Variants in APBA1 observed in about 807,000 individuals in gnomAD.
The protein encoded by APBA1 is amyloid-beta A4 precursor protein-binding family A member 1.
Under a neutral mutation model 86.6 loss-of-function variants are expected in APBA1, and 55 were observed. The ratio of observed to expected loss-of-function variants is 0.64; its 90% confidence interval spans 0.51 to 0.80. The LOEUF (loss-of-function observed/expected upper bound fraction) is 0.80, where lower values mean the gene tolerates loss of function less well. Ranked by LOEUF, APBA1 falls within the 30% of genes least tolerant of loss-of-function variation. APBA1 has a pLI of 0.00. For synonymous variants in APBA1, 511 were observed against 493.9 expected, an observed-to-expected ratio of 1.03 and a Z score of -0.46; for missense variants, 1,090 against 1,183.0, an observed-to-expected ratio of 0.92 and a Z score of 1.15.
In APBA1 at chr9:69,618,462, C is replaced by T. The variant is rs145121149; in HGVS notation, c.-70+53691G>A. Among the ~76,000 whole-genome samples the T allele has an allele frequency of 2.6e-3, 397 of 152,258 alleles. 3 individuals are homozygous for T. The highest frequency in any genetic ancestry group is 9.1e-3 in the African/African-American group (379 of 41,526). ...TCAAAGCTCACAATATGGAAGGATGCTAATGAAGGCAAGTACTTGAATAAT... is the reference window on the plus strand; with the variant it reads ...TCAAAGCTCACAATATGGAAGGATGTTAATGAAGGCAAGTACTTGAATAAT... On this transcript the variant is annotated intron_variant, in intron 1 of 12. Transcript: ENST00000265381.
At chr9:69,572,123 T>C (rs1178305281) in intron 1 of APBA1, among the ~76,000 whole-genome samples, 1 of 152,236 alleles carries the variant, frequency 6.6e-6, no homozygotes, top group Non-Finnish European at 1.5e-5. Flanking sequence ...ATGTATAGGA[T>C]GTGCAGGTTT....
At chr9:69,434,413 T>TAAAAC (rs1248149781) in intron 11 of APBA1, among the ~76,000 whole-genome samples, 2 of 146,196 alleles carry the variant, frequency 1.4e-5, no homozygotes, top group African/African-American at 5.4e-5. Flanking sequence ...CAAACTGGCT[T>TAAAAC]AAAACAAAAA....
chr9:69,659,358 T>C (rs1328178517), intron 1 of APBA1, among the ~76,000 whole-genome samples: 1 of 152,218 alleles, frequency 6.6e-6, no homozygotes, highest in Non-Finnish European at 1.5e-5. Context: ...AGATTCACTG[T>C]ACAGATATCA....
chr9:69,431,229 G>A lies in APBA1; in HGVS notation c.*98C>T, dbSNP rs147102833. ...TCCTGTGTAAAACCAAATGCTGGGC[G>A]CGAGAGGGGAAAGTCTCAGTGGACA... On this transcript the variant is annotated 3_prime_UTR_variant, in exon 13 of 13. Transcript: ENST00000265381. 1,223 of 877,854 alleles carry A rather than the reference G, an allele frequency of 1.4e-3. 11 individuals carry two copies. In the East Asian group the frequency reaches 0.029, roughly 21 times the overall value. 54.4% of individuals were successfully genotyped at this position (877,854 alleles called of 1,614,324 possible).
Position 69,449,715 on chromosome 9 carries a change from T to C in APBA1, c.2050A>G (p.Ile684Val). 6.2e-7 allele frequency: 1 copy of C among 1,614,120 alleles called. No individual in the cohort carries two copies. The highest frequency in any genetic ancestry group is 8.5e-7 in the Non-Finnish European group (1 of 1,180,026). The change falls in exon 10 of 13, where the codon ATC becomes GTC. Residue 684 changes from isoleucine (I) to valine (V), a missense_variant. This residue lies in a region of APBA1 where 97 missense variants were observed against 166.8 expected (regional missense o/e 0.58). Transcript: ENST00000265381. ...CCACCATGCATCATGTTGGCAATGA[T>C]CACGGTGGGGAGGATGGATCCCCAG... is the stretch of plus-strand genomic sequence containing the variant. ...SGWGSILPTV[I>V]IANMMHGGPA...
At chr9:69,525,636 G>A (rs191574622) in intron 1 of APBA1, among the ~76,000 whole-genome samples, 516 of 152,180 alleles carry the variant, frequency 3.4e-3, no homozygotes, top group Non-Finnish European at 6.4e-3. Flanking sequence ...TCATTGAAAT[G>A]GCCATACTAC....
chr9:69,463,394 G>A (rs886302288), intron 5 of APBA1: 5 of 152,126 alleles, frequency 3.3e-5, no homozygotes, highest in African/African-American at 4.8e-5. Flanking sequence ...TGGCCAAACC[G>A]CAGCTCCAAA....
At chr9:69,582,047 A>C (rs1352307361) in intron 1 of APBA1, among the ~76,000 whole-genome samples, 1 of 152,098 alleles carries the variant, frequency 6.6e-6, no homozygotes, top group Non-Finnish European at 1.5e-5. Flanking sequence ...ATTCTTCCAA[A>C]AGGTCTGAAG....
chr9:69,483,144 C>CAAAAAAACA (rs1246097206), intron 2 of APBA1, among the ~76,000 whole-genome samples: 3 of 124,714 alleles, frequency 2.4e-5, no homozygotes, highest in Admixed American at 8.0e-5. Flanking sequence ...GTCAAAAAAA[C>CAAAAAAACA]AAAAAAACGA....
At chr9:69,650,435 G>A (rs577038833) in intron 1 of APBA1, among the ~76,000 whole-genome samples, 1 of 152,332 alleles carries the variant, frequency 6.6e-6, no homozygotes, top group East Asian at 1.9e-4. Flanking sequence ...TTAAAATGAA[G>A]ATGTTAAAAT....
chr9:69,574,124 A>G (rs1821730961), intron 1 of APBA1, among the ~76,000 whole-genome samples: 1 of 152,216 alleles, frequency 6.6e-6, no homozygotes, highest in African/African-American at 2.4e-5. Flanking sequence ...CAAGTCCCCT[A>G]GATATATTTA....
chr9:69,466,146 A>G (rs1383521830), intron 5 of APBA1, among the ~76,000 whole-genome samples: 1 of 152,136 alleles, frequency 6.6e-6, no homozygotes, highest in African/African-American at 2.4e-5. Flanking sequence ...ATTTTCTCCA[A>G]GTACAGAGAG....
At chr9:69,464,794 T>C (rs1165082894) in intron 5 of APBA1, 1 of 152,206 alleles carries the variant, frequency 6.6e-6, no homozygotes, top group Non-Finnish European at 1.5e-5. Flanking sequence ...GTGCCCGCTT[T>C]TTCCCTGTAA....
chr9:69,654,044 G>A (rs917713166), intron 1 of APBA1, among the ~76,000 whole-genome samples: 3 of 148,108 alleles, frequency 2.0e-5, no homozygotes, highest in African/African-American at 7.6e-5. Context: ...GAATCTGGGA[G>A]GCAGTTGCGG....
intron 1 of APBA1, among the ~76,000 whole-genome samples, chr9:69,554,611 C>G (rs1444992183): frequency 6.6e-6 from 1 of 152,134 alleles, no homozygotes; most frequent in Non-Finnish European, 1.5e-5. Flanking sequence ...CAACAAAGAC[C>G]TATGTGCTCA....
chr9:69,636,922 G>GGAAAGAAGGAAGGAAAGAAAGAAA (rs1823183823), intron 1 of APBA1, among the ~76,000 whole-genome samples: 2 of 63,968 alleles, frequency 3.1e-5, no homozygotes, highest in African/African-American at 1.3e-4. Flanking sequence ...AAGGAAGGAA[G>GGAAAGAAGGAAGGAAAGAAAGAAA]GAAAGAAAGA....
intron 1 of APBA1, among the ~76,000 whole-genome samples, chr9:69,658,548 G>A (rs1364499193): frequency 2.8e-5 from 4 of 145,036 alleles, no homozygotes; most frequent in Non-Finnish European, 4.5e-5. Context: ...GATTACAGGC[G>A]TGCACCACCA....
intron 1 of APBA1, among the ~76,000 whole-genome samples, chr9:69,600,339 C>T (rs1319281964): frequency 6.6e-6 from 1 of 152,134 alleles, no homozygotes; most frequent in Non-Finnish European, 1.5e-5. Context: ...TGTGTGACCC[C>T]GAACCTTTGC....
intron 5 of APBA1, chr9:69,463,439 T>C (rs1835224412): frequency 6.6e-6 from 1 of 152,218 alleles, no homozygotes; most frequent in African/African-American, 2.4e-5. Flanking sequence ...TCTTGTAAAT[T>C]TTTTGTTAAA....
Sources: gnomAD v4.1 joint callset for allele counts (sites outside exome capture counted in the v4.1 genomes callset) on GRCh38, gnomAD v4.1.1 for gene constraint, gnomAD v4.1.1 regional missense constraint, MANE v1.5 for transcripts, NCBI Gene and HGNC (gene_info 2026-07-23, HGNC 2026-07-21) for gene names.